Variants in MSH3 observed in about 807,000 individuals in gnomAD.
The protein encoded by MSH3 is mutS homolog 3.
MSH3 carries 106 observed loss-of-function variants against 123.3 expected under a neutral mutation model. The ratio of observed to expected loss-of-function variants is 0.86; its 90% CI spans 0.73 to 1.01. The LOEUF is 1.01. MSH3 is among the 50% of genes least tolerant of loss of function. MSH3 has a pLI of 0.00. For missense variants in MSH3, 1,459 were observed against 1,347.6 expected, an observed-to-expected ratio of 1.08 and a Z score of -1.29; for synonymous variants, 515 against 481.4, an observed-to-expected ratio of 1.07 and a Z score of -0.91.
intron 13 of MSH3, among the ~76,000 whole-genome samples, chr5:80,766,685 G>T (rs1744130556): frequency 6.6e-6 from 1 of 151,942 alleles, no homozygotes; most frequent in Admixed American, 6.6e-5. Flanking sequence ...GTCGTTTCAA[G>T]ATGGAGAGAA....
chr5:80,758,216 G>T (rs1307333021), intron 12 of MSH3, among the ~76,000 whole-genome samples: 1 of 152,044 alleles, frequency 6.6e-6, no homozygotes, highest in East Asian at 1.9e-4. Context: ...ACATATCTAT[G>T]CCCTAAGGTT....
At chr5:80,703,837 A>G (rs1750662551) in intron 8 of MSH3, among the ~76,000 whole-genome samples, 1 of 152,152 alleles carries the variant, frequency 6.6e-6, no homozygotes, top group South Asian at 2.1e-4. Flanking sequence ...GACTGGACGT[A>G]AACACTAGTA....
rs537695520 is a variant in MSH3, at chr5:80,743,672, G to A, written c.1654-834G>A. On this transcript the variant is annotated intron_variant, in intron 11 of 23. Transcript: ENST00000265081. ...ATCCTGGCTAACACGGTGAAACCCC[G>A]TCTCTACTAAAAATACAAAAAATTA... is the stretch of plus-strand genomic sequence containing the variant. Among the ~76,000 whole-genome samples, 5 of 27,612 alleles carry A rather than the reference G, an allele frequency of 1.8e-4. 2 individuals are homozygous for A. Among genetic ancestry groups the A allele is most frequent in the Non-Finnish European group, 3.5e-4 (5 of 14,374 alleles). The allele number at this position is 27,612 out of a possible 152,430, so 18.1% of individuals were successfully genotyped here. A position where few individuals can be genotyped will look rare whatever the true frequency, so the allele number is the denominator to read the frequency against.
At chr5:80,769,955 C>T (rs2112885986) in intron 15 of MSH3, among the ~76,000 whole-genome samples, 1 of 152,186 alleles carries the variant, frequency 6.6e-6, no homozygotes, top group South Asian at 2.1e-4. Flanking sequence ...CATAGATTTA[C>T]CCATTAAGTC....
chr5:80,682,022 C>T (rs545946910), intron 8 of MSH3, among the ~76,000 whole-genome samples: 17 of 152,260 alleles, frequency 1.1e-4, no homozygotes, highest in African/African-American at 4.1e-4. Context: ...TGTAATTTTT[C>T]AATCTTTGCA....
chr5:80,715,169 A>C (rs763458400), intron 8 of MSH3: 1 of 152,246 alleles, frequency 6.6e-6, no homozygotes, highest in African/African-American at 2.4e-5. Context: ...CACAGCAAGG[A>C]GAGCCGTAGT....
At chr5:80,874,480 A>G (rs918246046) in intron 23 of MSH3, among the ~76,000 whole-genome samples, 3 of 152,224 alleles carry the variant, frequency 2.0e-5, no homozygotes, top group Non-Finnish European at 2.9e-5. Flanking sequence ...AGCCAGATTA[A>G]TATAAAATTT....
chr5:80,828,850 C>G (rs550259754), intron 20 of MSH3, among the ~76,000 whole-genome samples: 1 of 152,294 alleles, frequency 6.6e-6, no homozygotes, highest in African/African-American at 2.4e-5. Flanking sequence ...ATCCCAGGGC[C>G]TCAGGCAGCC....
At chr5:80,786,208 CTATG>C (rs998000447) in intron 17 of MSH3, among the ~76,000 whole-genome samples, 80 of 151,998 alleles carry the variant, frequency 5.3e-4, no homozygotes, top group African/African-American at 1.8e-3. Context: ...TATTTTATTT[CTATG>C]TATGCACAAA....
intron 19 of MSH3, among the ~76,000 whole-genome samples, chr5:80,811,673 A>T (rs1181633639): frequency 6.6e-6 from 1 of 152,138 alleles, no homozygotes; most frequent in African/African-American, 2.4e-5. Flanking sequence ...CTCTGCATTT[A>T]GAGTTTTTCT....
chr5:80,690,027 C>A (rs1464991146), intron 8 of MSH3, among the ~76,000 whole-genome samples: 1 of 152,110 alleles, frequency 6.6e-6, no homozygotes, highest in African/African-American at 2.4e-5. Context: ...GCATACTAAT[C>A]AGGCACATAC....
chr5:80,701,417 G>A (rs1580572460), intron 8 of MSH3, among the ~76,000 whole-genome samples: 1 of 152,176 alleles, frequency 6.6e-6, no homozygotes, highest in East Asian at 1.9e-4. Context: ...AAGTGGCAAA[G>A]CCCACTAGAG....
chr5:80,809,703 A>G (rs768319535), intron 19 of MSH3, among the ~76,000 whole-genome samples: 2 of 152,094 alleles, frequency 1.3e-5, no homozygotes, highest in Non-Finnish European at 2.9e-5. Context: ...CTTACATTAC[A>G]TTCTCTCTGG....
chr5:80,860,199 A>G (rs1008890647), intron 21 of MSH3, among the ~76,000 whole-genome samples: 4 of 152,174 alleles, frequency 2.6e-5, no homozygotes, highest in African/African-American at 9.7e-5. Context: ...ACTAAAAATA[A>G]GAAAAATAAA....
chr5:80,695,996 T>C (rs1390308462), intron 8 of MSH3, among the ~76,000 whole-genome samples: 1 of 152,208 alleles, frequency 6.6e-6, no homozygotes, highest in East Asian at 1.9e-4. Context: ...GCTGCCTCCT[T>C]ATTGCCAGGT....
intron 10 of MSH3, among the ~76,000 whole-genome samples, chr5:80,739,200 G>A (rs962233471): frequency 6.6e-6 from 1 of 152,234 alleles, no homozygotes; most frequent in Admixed American, 6.5e-5. Flanking sequence ...AACAGCGGAA[G>A]TAAGGACTCA....
At chr5:80,659,635 CAT>C (rs1446277159) in intron 2 of MSH3, among the ~76,000 whole-genome samples, 1 of 152,146 alleles carries the variant, frequency 6.6e-6, no homozygotes. Flanking sequence ...ATATACATAA[CAT>C]AAAATTTATC....
intron 8 of MSH3, among the ~76,000 whole-genome samples, chr5:80,715,629 A>G (rs1267865871): frequency 1.3e-5 from 2 of 152,130 alleles, no homozygotes. Context: ...TAATTGGTTC[A>G]GGGTTCCATA....
At chr5:80,677,039 C>T (rs1241228485) in intron 7 of MSH3, among the ~76,000 whole-genome samples, 1 of 152,216 alleles carries the variant, frequency 6.6e-6, no homozygotes, top group African/African-American at 2.4e-5. Flanking sequence ...CTGCACCTCT[C>T]TCGAGCTCCA....
Sources: allele counts gnomAD v4.1 joint callset (sites outside exome capture counted in the v4.1 genomes callset), GRCh38; gene constraint gnomAD v4.1.1; transcripts MANE v1.5; gene names NCBI Gene and HGNC (gene_info 2026-07-23, HGNC 2026-07-21).